PRDX4: variants seen among roughly 807,000 people sequenced by gnomAD.
PRDX4 encodes the protein peroxiredoxin-4.
In PRDX4, 12 loss-of-function variants were observed where a neutral mutation model predicts 20.5. The ratio of observed to expected loss-of-function variants is 0.58; its 90% confidence interval spans 0.37 to 0.95. The LOEUF is 0.95. Among genes scored for constraint, PRDX4 ranks in the 40% least tolerant of loss-of-function variants. The pLI, the probability that PRDX4 is intolerant of heterozygous loss-of-function variation, is 0.01. For missense variants in PRDX4, 180 were observed against 207.3 expected (o/e 0.87, Z 0.81); for synonymous variants, 99 against 87.5 (o/e 1.13, Z -0.73).
chrX:23,674,980 TAC>T lies in PRDX4; in HGVS notation c.360-9_360-8del, dbSNP rs1601790389. 1 of 1,193,632 alleles carries T rather than the reference TAC, an allele frequency of 8.4e-7. No homozygotes were observed. The highest frequency in any genetic ancestry group is 2.3e-5 in the Admixed American group (1 of 43,556). ...AGAATACTGAATATTTTTTTTTTTTTACCTTTCAGCACATTTGTGTGTCCAAC... is the reference window on the plus strand; with the variant it reads ...AGAATACTGAATATTTTTTTTTTTTTCTTTCAGCACATTTGTGTGTCCAAC... On this transcript the variant is annotated splice_polypyrimidine_tract_variant and splice_region_variant and intron_variant, in intron 2 of 6. Transcript: ENST00000379341.
chrX:23,678,513 C>T (rs745623477), intron 3 of PRDX4, among the ~76,000 whole-genome samples: 2 of 109,677 alleles, frequency 1.8e-5, no homozygotes, highest in Admixed American at 2.0e-4. Context: ...GCCTGTAATC[C>T]CAGCTACTTG....
In PRDX4 at chrX:23,686,329, G is replaced by T; in HGVS notation, c.810G>T (p.Leu270=). The part of the protein sequence containing the change: ...PAGKLKYFDK[L]N ...GAAAGCTGAAGTATTTCGATAAACT[G>T]AATTGAGAAATACTTCTTCAAGTTA... is the stretch of plus-strand genomic sequence containing the variant. Residue 270 remains leucine, a synonymous_variant, in exon 7 of 7, where the codon CTG becomes CTT. Coordinates refer to ENST00000379341, the MANE Select transcript of PRDX4 (RefSeq NM_006406.2). The T allele has an allele frequency of 8.5e-7, 1 of 1,171,522 alleles. No individual in the cohort carries two copies. Among genetic ancestry groups the T allele is most frequent in the Non-Finnish European group, 1.1e-6 (1 of 870,981 alleles).
chrX:23,669,987 C>G (rs902930356), intron 1 of PRDX4, among the ~76,000 whole-genome samples: 5 of 110,006 alleles, frequency 4.5e-5, no homozygotes, highest in African/African-American at 1.7e-4. Flanking sequence ...AGAATGTTAA[C>G]AGTAGTTGAT....
chrX:23,685,902 C>CT (rs1928175378), intron 6 of PRDX4: 1 of 188,993 alleles, frequency 5.3e-6, no homozygotes, highest in Admixed American at 7.0e-5. Flanking sequence ...CACCTGCCTC[C>CT]TTTTCAGATA....
chrX:23,679,482 T>C (rs1281854808), intron 4 of PRDX4, among the ~76,000 whole-genome samples, 195 bp downstream of exon 4: 1 of 109,771 alleles, frequency 9.1e-6, no homozygotes, highest in African/African-American at 3.3e-5. Context: ...GTCAGGAGTT[T>C]GAGACCAGCC....
intron 4 of PRDX4, among the ~76,000 whole-genome samples, chrX:23,680,138 G>A (rs182631260): frequency 8.9e-6 from 1 of 112,210 alleles, no homozygotes; most frequent in Admixed American, 9.5e-5. Context: ...CACCCACCCT[G>A]TCATCTTACA....
At chrX:23,672,835 G>A (rs755290630) in intron 2 of PRDX4, among the ~76,000 whole-genome samples, 145 of 111,224 alleles carry the variant, frequency 1.3e-3, no homozygotes, top group African/African-American at 4.6e-3. Context: ...GCTGGATTTG[G>A]CCTATTGACC....
Position 23,667,770 on chromosome X carries a change from T to A in PRDX4, c.200T>A (p.Val67Glu). The A allele has an allele frequency of 1.7e-6, 2 of 1,210,666 alleles. No homozygotes were observed. Among genetic ancestry groups the A allele is most frequent in the African/African-American group, 1.7e-5 (1 of 57,516 alleles). ...GTGTACCCGGGAGAGGCATCCCGGGTATCGGTCGCCGACCACTCCCTGCAC... is the reference window on the plus strand; with the variant it reads ...GTGTACCCGGGAGAGGCATCCCGGGAATCGGTCGCCGACCACTCCCTGCAC... ...GQVYPGEASR[V>E]SVADHSLHLS... Residue 67 changes from valine to glutamate, a missense_variant, in exon 1 of 7, where the codon GTA becomes GAA. Val to Glu is a moderately radical substitution (Grantham distance 121). Around this residue, in one of 3 missense-constraint regions of PRDX4, gnomAD observed 105 missense variants for 114.2 expected, o/e 0.92. Coordinates refer to ENST00000379341, the MANE Select transcript of PRDX4 (RefSeq NM_006406.2).
chrX:23,685,829 T>C (rs977876748), intron 6 of PRDX4, among the ~76,000 whole-genome samples: 9 of 109,672 alleles, frequency 8.2e-5, no homozygotes, highest in Non-Finnish European at 1.7e-4. Flanking sequence ...TTGTTTTTTT[T>C]TTTTTACTTT....
intron 1 of PRDX4, among the ~76,000 whole-genome samples, chrX:23,669,004 C>T (rs895800817): frequency 2.6e-4 from 29 of 110,435 alleles, no homozygotes; most frequent in African/African-American, 9.3e-4. Context: ...CGGCTCACTG[C>T]AACCTCCGCC....
intron 3 of PRDX4, among the ~76,000 whole-genome samples, chrX:23,678,780 G>T (rs1928000391): frequency 9.0e-6 from 1 of 111,028 alleles, no homozygotes; most frequent in Admixed American, 9.7e-5. Flanking sequence ...ACAAAAAAGT[G>T]TTTAAAACAT....
At chrX:23,685,042 C>T (rs1158453540) in intron 6 of PRDX4, among the ~76,000 whole-genome samples, 2 of 112,391 alleles carry the variant, frequency 1.8e-5, no homozygotes, top group Admixed American at 9.5e-5. Flanking sequence ...TGTGATAACA[C>T]GTATGCATTT....
In PRDX4 at chrX:23,667,532, C is replaced by T. The variant is rs775975862; in HGVS notation, c.-39C>T. 1.3e-4 allele frequency: 145 copies of T among 1,136,488 alleles called. No individual in the cohort carries two copies. Among genetic ancestry groups the T allele is most frequent in the Non-Finnish European group, 1.7e-4 (143 of 860,431 alleles). The allele number at this position is 1,136,488 out of a possible 1,213,427, so 93.7% of individuals were successfully genotyped here. Reference sequence around the variant, plus strand: ...AGCTGCCCGGCGGCGGCAGAAGCGGCGCTCGCGCCAAGGGACGTGTTTCTG... The same window carrying T: ...AGCTGCCCGGCGGCGGCAGAAGCGGTGCTCGCGCCAAGGGACGTGTTTCTG... On this transcript the variant is annotated 5_prime_UTR_variant, in exon 1 of 7. Coordinates refer to ENST00000379341, the MANE Select transcript of PRDX4 (RefSeq NM_006406.2).
At chrX:23,678,114 A>G (rs1927984899) in intron 3 of PRDX4, among the ~76,000 whole-genome samples, 1 of 109,929 alleles carries the variant, frequency 9.1e-6, no homozygotes, top group African/African-American at 3.3e-5. Flanking sequence ...TAAAAATACG[A>G]AAAATAGCTG....
intron 6 of PRDX4, among the ~76,000 whole-genome samples, 166 bp downstream of exon 6, chrX:23,683,871 G>A (rs999498518): frequency 7.9e-5 from 7 of 88,266 alleles, no homozygotes; most frequent in Non-Finnish European, 1.5e-4. Context: ...GGTGAAATCC[G>A]TCTCTACTAA....
In PRDX4 at chrX:23,675,046, G is replaced by C. The variant is rs760528526; in HGVS notation, c.416G>C (p.Arg139Thr). Reference sequence around the variant, plus strand: ...TTTGGCGACAGACTTGAAGAATTCAGATCTATAAATACTGAAGTGGTAGCA... The same window carrying C: ...TTTGGCGACAGACTTGAAGAATTCACATCTATAAATACTGAAGTGGTAGCA... ...IAFGDRLEEF[R>T]SINTEVVACS... Residue 139 changes from arginine to threonine, a missense_variant, in exon 3 of 7, where the codon AGA (arginine) becomes ACA (threonine). Physicochemically the swap from Arg to Thr is moderately conservative, Grantham distance 71 (BLOSUM62 -1). Coordinates refer to ENST00000379341, the MANE Select transcript of PRDX4 (RefSeq NM_006406.2). 3 of 1,208,941 alleles carry C rather than the reference G, an allele frequency of 2.5e-6. No individual in the cohort carries two copies. Among genetic ancestry groups the C allele is most frequent in the African/African-American group, 1.8e-5 (1 of 57,014 alleles).
intron 1 of PRDX4, among the ~76,000 whole-genome samples, chrX:23,668,692 A>G (rs1927779329): frequency 8.9e-6 from 1 of 112,130 alleles, no homozygotes; most frequent in African/African-American, 3.2e-5. Context: ...GACATTCTGT[A>G]GGTGTGTAGT....
intron 6 of PRDX4, among the ~76,000 whole-genome samples, chrX:23,685,632 T>A (rs1035026831): frequency 9.0e-5 from 10 of 111,077 alleles, no homozygotes; most frequent in African/African-American, 2.6e-4. Flanking sequence ...TAAGTTATTT[T>A]TATATATATA....
intron 6 of PRDX4, chrX:23,685,866 C>T (rs757520185): frequency 1.8e-4 from 22 of 123,805 alleles, no homozygotes; most frequent in Middle Eastern, 3.1e-3. Flanking sequence ...AAGGTGTATT[C>T]TGGACTTTAG....
Sources: allele counts gnomAD v4.1 joint callset (sites outside exome capture counted in the v4.1 genomes callset), GRCh38; gene constraint gnomAD v4.1.1; regional missense constraint gnomAD v4.1.1; transcripts MANE v1.5; gene names NCBI Gene and HGNC (gene_info 2026-07-23, HGNC 2026-07-21).